The following SCNN1B variants were observed in gnomAD, a reference collection of about 807,000 sequenced individuals.
SCNN1B encodes the protein epithelial sodium channel subunit beta.
SCNN1B carries 46 observed loss-of-function variants against 65.3 expected under a neutral mutation model. The ratio of observed to expected loss-of-function variants is 0.70; its 90% CI spans 0.56 to 0.90. SCNN1B has a LOEUF of 0.90. Among genes scored for constraint, SCNN1B ranks in the 40% least tolerant of loss-of-function variants. The pLI is 0.00. For synonymous variants in SCNN1B, 349 were observed against 330.6 expected (o/e 1.06, Z -0.60); for missense variants, 751 against 830.5 (o/e 0.90, Z 1.18).
At chr16:23,290,184 A>G (rs1960904173) in intron 2 of SCNN1B, among the ~76,000 whole-genome samples, 2 of 152,340 alleles carry the variant, frequency 1.3e-5, no homozygotes, top group Admixed American at 1.3e-4. Flanking sequence ...GTTAGTAGAT[A>G]GAAAATGTTT....
intron 1 of SCNN1B, among the ~76,000 whole-genome samples, chr16:23,323,325 G>A (rs1961627001): frequency 6.6e-6 from 1 of 152,152 alleles, no homozygotes; most frequent in Non-Finnish European, 1.5e-5. Context: ...TAGAGGTAAA[G>A]GTTTTGCACT....
chr16:23,344,279 A>G (rs1962140128), intron 1 of SCNN1B, among the ~76,000 whole-genome samples: 1 of 152,200 alleles, frequency 6.6e-6, no homozygotes, highest in Admixed American at 6.5e-5. Flanking sequence ...TCATTGTTAA[A>G]CCCGGAGATT....
intron 1 of SCNN1B, among the ~76,000 whole-genome samples, chr16:23,326,432 T>TA (rs768109148): frequency 4.6e-5 from 7 of 152,176 alleles, no homozygotes; most frequent in Non-Finnish European, 8.8e-5. Flanking sequence ...CATAGATGCA[T>TA]ATAAACCCAC....
At chr16:23,317,108 T>A (rs538840936) in intron 1 of SCNN1B, among the ~76,000 whole-genome samples, 4 of 152,330 alleles carry the variant, frequency 2.6e-5, no homozygotes, top group African/African-American at 9.6e-5. Context: ...TAAATTTGAT[T>A]CCTAGCTCTG....
intron 7 of SCNN1B, among the ~76,000 whole-genome samples, chr16:23,373,064 G>A (rs970699730): frequency 3.3e-5 from 5 of 152,050 alleles, no homozygotes; most frequent in Non-Finnish European, 5.9e-5. Flanking sequence ...CTGATATCAC[G>A]CCACTGCACT....
intron 2 of SCNN1B, among the ~76,000 whole-genome samples, chr16:23,291,993 CT>C (rs1960931817): frequency 6.6e-6 from 1 of 151,730 alleles, no homozygotes; most frequent in African/African-American, 2.4e-5. Context: ...TGTTCTGCAA[CT>C]TGTTTTTTTC....
intron 1 of SCNN1B, among the ~76,000 whole-genome samples, chr16:23,280,808 C>T (rs536995863): frequency 6.6e-6 from 1 of 152,316 alleles, no homozygotes; most frequent in South Asian, 2.1e-4. Context: ...AATTGGTGTT[C>T]AGAGCTTCCT....
chr16:23,309,681 C>T (rs370724481), intron 1 of SCNN1B, among the ~76,000 whole-genome samples: 4 of 152,320 alleles, frequency 2.6e-5, no homozygotes, highest in African/African-American at 4.8e-5. Flanking sequence ...GCTGCATTGG[C>T]AGCTGATTAG....
At chr16:23,371,191 G>A (rs766637757) in intron 5 of SCNN1B, 108 bp from the exon 6 acceptor site, 58 of 1,259,104 alleles carry the variant, frequency 4.6e-5, no homozygotes, top group Middle Eastern at 2.3e-4. Context: ...CCTCCTTGGC[G>A]GTCCCTGGAG....
intron 1 of SCNN1B, among the ~76,000 whole-genome samples, chr16:23,318,966 T>G (rs1961530450): frequency 6.6e-6 from 1 of 151,916 alleles, no homozygotes; most frequent in Non-Finnish European, 1.5e-5. Flanking sequence ...TGTGCAGGGG[T>G]GATTCTGTGT....
rs182987993 is a variant in SCNN1B, at chr16:23,285,237, A to G, written n.178+1433A>G. On this transcript the variant is annotated intron_variant and non_coding_transcript_variant, in intron 2 of 3. Coordinates refer to the SCNN1B transcript ENST00000569789. ...ACCCAGGCTGGAATGCCATGATGTG[A>G]TCATTGCTCACTGCATCCTCAGTCT... 1.5e-3 allele frequency among the ~76,000 whole-genome samples: 222 copies of G among 152,304 alleles called. 1 individual carries two copies. The highest frequency in any genetic ancestry group is 5.1e-3 in the African/African-American group (214 of 41,574).
chr16:23,323,460 TC>T (rs2141995973), intron 1 of SCNN1B: 2 of 692,916 alleles, frequency 2.9e-6, no homozygotes, highest in Non-Finnish European at 5.3e-6. Flanking sequence ...CTGATCTCTC[TC>T]CATGCCAGAC....
intron 2 of SCNN1B, among the ~76,000 whole-genome samples, chr16:23,285,678 A>T (rs560994125): frequency 2.9e-4 from 44 of 152,164 alleles, no homozygotes; most frequent in East Asian, 7.7e-4. Flanking sequence ...AAAATAATAA[A>T]AAATACAATA....
intron 1 of SCNN1B, among the ~76,000 whole-genome samples, chr16:23,305,510 A>G (rs1428358344): frequency 6.3e-5 from 3 of 47,828 alleles, no homozygotes; most frequent in African/African-American, 1.7e-4. Context: ...CATGGCAAAA[A>G]CCCATCTCTA....
rs1461429429 is a variant in SCNN1B at position 23,378,851 on chromosome 16, C to T, written c.1466+84C>T. ...CAGGAGTTTGGACACAGGACAGCTC[C>T]TCAGACACATTCTCACATGGGTCAG... On this transcript the variant is annotated intron_variant, in intron 11 of 12. Coordinates refer to ENST00000343070, the MANE Select transcript of SCNN1B (RefSeq NM_000336.3). 4.0e-6 allele frequency: 5 copies of T among 1,255,976 alleles called. No homozygotes were observed. The Admixed American group carries it at 5.2e-5, about 13-fold the overall frequency. 77.8% of individuals were successfully genotyped at this position (1,255,976 alleles called of 1,614,324 possible).
intron 2 of SCNN1B, among the ~76,000 whole-genome samples, chr16:23,352,375 C>T (rs1962327479): frequency 6.6e-6 from 1 of 152,176 alleles, no homozygotes. Flanking sequence ...AGTGTCACCA[C>T]CCAAATATCA....
chr16:23,348,619 T>C lies in SCNN1B; in HGVS notation c.20T>C (p.Leu7Pro), dbSNP rs139455317. 6 of 1,613,000 alleles carry C rather than the reference T, an allele frequency of 3.7e-6. No individual in the cohort carries two copies. The highest frequency in any genetic ancestry group is 5.1e-6 in the Non-Finnish European group (6 of 1,179,940). ...GCCACTATGCACGTGAAGAAGTACC[T>C]GCTGAAGGGCCTGCATCGGCTGCAG... The part of the protein sequence containing the change: MHVKKY[L>P]LKGLHRLQKG... Residue 7 changes from leucine (L) to proline (P), a missense_variant, in exon 2 of 13, where the codon CTG becomes CCG. Leu to Pro is a moderately conservative substitution (Grantham distance 98). Transcript: ENST00000343070. The surrounding 1 kb of genome is among the most constrained non-coding windows in gnomAD (Gnocchi z 4.5).
intron 8 of SCNN1B, 61 bp downstream of exon 8, chr16:23,375,916 T>C (rs1962884949): frequency 2.5e-6 from 3 of 1,181,816 alleles, no homozygotes; most frequent in Admixed American, 1.7e-5. Flanking sequence ...GCTCTGACCA[T>C]AGAGGAGGAG....
chr16:23,309,350 G>A (rs908429263), intron 1 of SCNN1B, among the ~76,000 whole-genome samples: 2 of 152,064 alleles, frequency 1.3e-5, no homozygotes, highest in African/African-American at 2.4e-5. Flanking sequence ...GTATTAGTTA[G>A]GGTTCTCTAG....
Sources: allele counts gnomAD v4.1 joint callset (sites outside exome capture counted in the v4.1 genomes callset), GRCh38; gene constraint gnomAD v4.1.1; non-coding constraint Gnocchi (gnomAD v3.1); transcripts MANE v1.5; gene names NCBI Gene and HGNC (gene_info 2026-07-23, HGNC 2026-07-21).